Variants in CLRN1 observed in about 807,000 individuals in gnomAD.
CLRN1 encodes the protein clarin-1.
Under a neutral mutation model 18.7 loss-of-function variants are expected in CLRN1, and 15 were observed. That is an observed-to-expected ratio of 0.80 (90% CI 0.54 to 1.23). The LOEUF is 1.23. CLRN1 is among the 50% of genes most tolerant of loss of function. The pLI is 0.00. For synonymous variants in CLRN1, 104 were observed against 102.9 expected, an observed-to-expected ratio of 1.01 and a Z score of -0.07; for missense variants, 311 against 277.5, an observed-to-expected ratio of 1.12 and a Z score of -0.86.
chr3:150,950,614 C>A (rs771724552), intron 1 of CLRN1, among the ~76,000 whole-genome samples: 7 of 152,166 alleles, frequency 4.6e-5, no homozygotes, highest in African/African-American at 7.2e-5. Flanking sequence ...TACCATCACA[C>A]TAATTAGAAT....
At chr3:150,967,869 C>A (rs565215161) in intron 1 of CLRN1, among the ~76,000 whole-genome samples, 1 of 152,276 alleles carries the variant, frequency 6.6e-6, no homozygotes, top group East Asian at 1.9e-4. Flanking sequence ...TGAGAAGCCA[C>A]CTGCTTGCTC....
intron 2 of CLRN1, among the ~76,000 whole-genome samples, chr3:150,934,669 C>T (rs898509516): frequency 6.6e-6 from 1 of 152,250 alleles, no homozygotes; most frequent in East Asian, 1.9e-4. Flanking sequence ...CTCCCATCAA[C>T]TGGGAAACAC....
intron 1 of CLRN1, among the ~76,000 whole-genome samples, chr3:150,962,252 C>T (rs1434170920): frequency 6.6e-6 from 1 of 152,200 alleles, no homozygotes; most frequent in African/African-American, 2.4e-5. Flanking sequence ...ATAAATTAGA[C>T]TACCAGGTAC....
chr3:150,960,489 C>G (rs1005877924), intron 1 of CLRN1, among the ~76,000 whole-genome samples: 2 of 151,772 alleles, frequency 1.3e-5, no homozygotes. Context: ...CAGTCTTTTA[C>G]TTTTTTTTTC....
At chr3:150,956,592 C>G (rs371188385) in intron 1 of CLRN1, among the ~76,000 whole-genome samples, 1 of 152,124 alleles carries the variant, frequency 6.6e-6, no homozygotes, top group South Asian at 2.1e-4. Flanking sequence ...TCTGCTATTA[C>G]GAAACAGAGC....
At chr3:150,951,431 A>G (rs1233128670) in intron 1 of CLRN1, among the ~76,000 whole-genome samples, 2 of 151,996 alleles carry the variant, frequency 1.3e-5, no homozygotes, top group African/African-American at 4.8e-5. Context: ...TCTGACTCCC[A>G]GGTTCAAGCG....
intron 1 of CLRN1, among the ~76,000 whole-genome samples, chr3:150,952,650 A>C (rs1003175782): frequency 6.6e-6 from 1 of 152,122 alleles, no homozygotes; most frequent in Non-Finnish European, 1.5e-5. Flanking sequence ...ACAAACAAAC[A>C]AACCCTGATT....
At chr3:150,945,610 G>C (rs1206354428) in intron 1 of CLRN1, 2 of 1,287,034 alleles carry the variant, frequency 1.6e-6, no homozygotes, top group Admixed American at 2.3e-5. Flanking sequence ...GTGTTTACCA[G>C]TGTCCTCACT....
At chr3:150,961,370 G>A (rs753734092) in intron 1 of CLRN1, among the ~76,000 whole-genome samples, 9 of 152,194 alleles carry the variant, frequency 5.9e-5, no homozygotes, top group African/African-American at 1.2e-4. Flanking sequence ...CTGGGATGGA[G>A]CCTCAGGATC....
chr3:150,945,435 A>G (rs1576634373), intron 1 of CLRN1: 9 of 1,121,034 alleles, frequency 8.0e-6, no homozygotes, highest in South Asian at 7.2e-5. Flanking sequence ...TCCTGACCAC[A>G]TGCTGGAAGG....
In CLRN1 at chr3:150,927,514, T is replaced by C. The variant is rs566671234; in HGVS notation, c.*422A>G. The C allele has an allele frequency of 2.7e-4, 121 of 454,836 alleles. No individual in the cohort carries two copies. Among genetic ancestry groups the C allele is most frequent in the Non-Finnish European group, 5.1e-4 (115 of 227,634 alleles). The allele number at this position is 454,836 out of a possible 1,614,324, so 28.2% of individuals were successfully genotyped here. On this transcript the variant is annotated 3_prime_UTR_variant, in exon 3 of 3. Coordinates refer to ENST00000327047, the MANE Select transcript of CLRN1 (RefSeq NM_174878.3). Reference sequence around the variant, plus strand: ...ATACACTACTGTTTTAGGAAAGCGATTGCAGCTCAGTTTTCTGAAATCTGG... The same window carrying C: ...ATACACTACTGTTTTAGGAAAGCGACTGCAGCTCAGTTTTCTGAAATCTGG...
At chr3:150,963,967 G>GAAAAC (rs1715152031) in intron 1 of CLRN1, among the ~76,000 whole-genome samples, 1 of 152,120 alleles carries the variant, frequency 6.6e-6, no homozygotes, top group Non-Finnish European at 1.5e-5. Flanking sequence ...AATCCTAGAA[G>GAAAAC]AAAACCTAGG....
At chr3:150,964,274 G>C (rs1715166165) in intron 1 of CLRN1, among the ~76,000 whole-genome samples, 1 of 152,094 alleles carries the variant, frequency 6.6e-6, no homozygotes, top group African/African-American at 2.4e-5. Flanking sequence ...CTCAAAAGAA[G>C]ACATTTATAC....
intron 2 of CLRN1, among the ~76,000 whole-genome samples, chr3:150,930,166 G>A (rs1313668695): frequency 6.6e-6 from 1 of 152,204 alleles, no homozygotes; most frequent in Non-Finnish European, 1.5e-5. Flanking sequence ...CTGTTACTGA[G>A]AGGGTGGGCA....
intron 2 of CLRN1, among the ~76,000 whole-genome samples, chr3:150,939,740 C>T (rs1713701732): frequency 6.6e-6 from 1 of 152,182 alleles, no homozygotes; most frequent in Non-Finnish European, 1.5e-5. Flanking sequence ...TAATGGTCAT[C>T]AGTAAAACAG....
At chr3:150,969,458 C>T (rs961027129) in intron 1 of CLRN1, among the ~76,000 whole-genome samples, 13 of 149,300 alleles carry the variant, frequency 8.7e-5, no homozygotes, top group Non-Finnish European at 1.5e-4. Flanking sequence ...TCCCAAGTAG[C>T]TGGGACTACA....
intron 2 of CLRN1, among the ~76,000 whole-genome samples, chr3:150,940,839 A>ATGTTTATT (rs1713778978): frequency 6.6e-6 from 1 of 152,152 alleles, no homozygotes; most frequent in Non-Finnish European, 1.5e-5. Flanking sequence ...TGAGTAGCAC[A>ATGTTTATT]TGTTTATTGA....
chr3:150,945,781 A>G lies in CLRN1; in HGVS notation c.254-4020T>C, dbSNP rs890673033. ...CATTTAGCAATATCCTGTGTTAGCT[A>G]GGGTATGGGGAAATGGGGACCCTTG... On this transcript the variant is annotated intron_variant, in intron 1 of 2. Transcript: ENST00000327047. The G allele has an allele frequency of 6.5e-6, 4 of 611,626 alleles. No homozygotes were observed. In the African/African-American group the frequency reaches 7.7e-5, roughly 12 times the overall value. The allele number at this position is 611,626 out of a possible 1,614,324, so 37.9% of individuals were successfully genotyped here. A position where few individuals can be genotyped will look rare whatever the true frequency, so the allele number is the denominator to read the frequency against.
In CLRN1 at chr3:150,926,604, C is replaced by T. The variant is rs945872558; in HGVS notation, c.*1332G>A. On this transcript the variant is annotated 3_prime_UTR_variant, in exon 3 of 3. Transcript: ENST00000327047. Reference sequence around the variant, plus strand: ...CTCGGTGTGTTCTGATGTCTGCTGGCGAATAGCGAATTGACACCAGAGCAA... The same window carrying T: ...CTCGGTGTGTTCTGATGTCTGCTGGTGAATAGCGAATTGACACCAGAGCAA... The T allele has an allele frequency of 1.0e-5, 7 of 687,282 alleles. No individual in the cohort carries two copies. Among genetic ancestry groups the T allele is most frequent in the South Asian group, 7.8e-5 (5 of 64,390 alleles). 42.6% of individuals were successfully genotyped at this position (687,282 alleles called of 1,614,324 possible). A position where few individuals can be genotyped will look rare whatever the true frequency, so the allele number is the denominator to read the frequency against.
Sources: allele counts gnomAD v4.1 joint callset (sites outside exome capture counted in the v4.1 genomes callset), GRCh38; gene constraint gnomAD v4.1.1; transcripts MANE v1.5; gene names NCBI Gene and HGNC (gene_info 2026-07-23, HGNC 2026-07-21).